Variants in C2orf74 observed in about 807,000 individuals in gnomAD.
C2orf74 encodes DPM1 ER membrane anchor 1.
C2orf74 carries 14 observed loss-of-function variants against 17.9 expected under a neutral mutation model. The ratio of observed to expected loss-of-function variants is 0.78; its 90% CI spans 0.52 to 1.22. The LOEUF is 1.22. Among genes scored for constraint, C2orf74 ranks in the 50% most tolerant of loss-of-function variants. C2orf74 has a pLI of 0.00. For synonymous variants in C2orf74, 79 were observed against 72.6 expected (o/e 1.09, Z -0.44); for missense variants, 217 against 218.4 (o/e 0.99, Z 0.04).
chr2:61,159,340 A>G, upstream of C2orf74: 1 of 373,602 alleles, frequency 2.7e-6, no homozygotes, highest in South Asian at 2.0e-5. Flanking sequence ...TCTGTTGCCT[A>G]GGCTGGAGTG....
Position 61,162,245 on chromosome 2 carries a change from A to G in C2orf74, c.-175A>G, listed in dbSNP as rs572528698. On this transcript the variant is annotated 5_prime_UTR_variant, in exon 1 of 5. Transcript: ENST00000432605. ...TGGGGTGAGGGAGGTGAGCTGCGTG[A>G]TCACACATGTCCCAGCTCAGTCTCC... 4.3e-6 allele frequency: 2 copies of G among 466,404 alleles called. No homozygotes were observed. Among genetic ancestry groups the G allele is most frequent in the Non-Finnish European group, 7.5e-6 (2 of 265,710 alleles). 28.9% of individuals were successfully genotyped at this position (466,404 alleles called of 1,614,324 possible).
chr2:61,148,407 G>A (rs1290430565), intron 1 of C2orf74, among the ~76,000 whole-genome samples: 28 of 151,934 alleles, frequency 1.8e-4, no homozygotes, highest in African/African-American at 6.3e-4. Context: ...GGCTGGTCTC[G>A]AAATCCTGAC....
At position 61,164,502 on chromosome 2, in the gene C2orf74, C is replaced by A. The variant is rs1290827547; in HGVS notation, c.539C>A (p.Thr180Asn). ...GNEYPTPRSYTREHKERK is the reference protein window; with the variant it reads ...GNEYPTPRSYNREHKERK ...GAATACCCTACACCTCGAAGCTATA[C>A]TCGAGAACATAAAGAGAGGAAATGA... is the stretch of plus-strand genomic sequence containing the variant. Residue 180 changes from threonine (T) to asparagine (N), a missense_variant, in exon 5 of 5, where the codon ACT becomes AAT. Coordinates refer to ENST00000432605, the MANE Select transcript of C2orf74 (RefSeq NM_001143959.4). 4 of 1,539,990 alleles carry A rather than the reference C, an allele frequency of 2.6e-6. No homozygotes were observed. The highest frequency in any genetic ancestry group is 3.5e-6 in the Non-Finnish European group (4 of 1,142,966).
chr2:61,145,448 A>G (rs1359721480), intron 1 of C2orf74, among the ~76,000 whole-genome samples: 1 of 152,002 alleles, frequency 6.6e-6, no homozygotes, highest in East Asian at 1.9e-4. Context: ...TTTTTTTGAG[A>G]TGGAGTCCTG....
chr2:61,153,492 C>T (rs1685300905), intron 1 of C2orf74, among the ~76,000 whole-genome samples: 1 of 151,584 alleles, frequency 6.6e-6, no homozygotes, highest in Non-Finnish European at 1.5e-5. Flanking sequence ...CCATGTTAGC[C>T]AGGGTGGTCT....
At chr2:61,158,580 G>C (rs992233682), upstream of C2orf74, among the ~76,000 whole-genome samples, 1 of 152,202 alleles carries the variant, frequency 6.6e-6, no homozygotes, top group Non-Finnish European at 1.5e-5. Context: ...AGGGAAGAAG[G>C]CTTAGGCTTT....
upstream of C2orf74, among the ~76,000 whole-genome samples, chr2:61,158,647 G>C (rs1403755892): frequency 2.6e-5 from 4 of 152,180 alleles, no homozygotes; most frequent in African/African-American, 7.2e-5. Context: ...TGTCTCCCCA[G>C]TTGATTAAGA....
intron 1 of C2orf74, among the ~76,000 whole-genome samples, chr2:61,155,443 C>T (rs1237165731): frequency 1.3e-5 from 2 of 152,166 alleles, no homozygotes; most frequent in Admixed American, 6.6e-5. Context: ...CAAATGAATG[C>T]AATTCATTAT....
chr2:61,147,223 CTT>C (rs915253571), intron 1 of C2orf74, among the ~76,000 whole-genome samples: 1 of 101,848 alleles, frequency 9.8e-6, no homozygotes, highest in Non-Finnish European at 2.1e-5. Flanking sequence ...CTTTCCTTTC[CTT>C]TTTTTTTTTT....
intron 1 of C2orf74, among the ~76,000 whole-genome samples, chr2:61,155,505 TTTTGTTTG>T (rs35729703): frequency 1.7e-3 from 261 of 150,654 alleles, no homozygotes; most frequent in East Asian, 5.3e-3. Flanking sequence ...AATCAAGGCT[TTTTGTTTG>T]TTTGTTTGTT....
At chr2:61,146,134 A>C (rs1274135721) in intron 1 of C2orf74, among the ~76,000 whole-genome samples, 1 of 152,266 alleles carries the variant, frequency 6.6e-6, no homozygotes, top group Non-Finnish European at 1.5e-5. Context: ...CTACGTGAGT[A>C]TCCATCAGAA....
chr2:61,153,648 G>A (rs1296002351), intron 1 of C2orf74, among the ~76,000 whole-genome samples: 21 of 144,014 alleles, frequency 1.5e-4, no homozygotes, highest in Middle Eastern at 8.1e-3. Flanking sequence ...CAGCACTTTG[G>A]GAGGCCGAGG....
At chr2:61,148,714 T>C (rs1472556756) in intron 1 of C2orf74, among the ~76,000 whole-genome samples, 1 of 152,140 alleles carries the variant, frequency 6.6e-6, no homozygotes, top group East Asian at 1.9e-4. Flanking sequence ...GAATAGTGTT[T>C]AGCTTGTCTT....
At chr2:61,159,428 C>G (rs1685497397), upstream of C2orf74, 1 of 239,474 alleles carries the variant, frequency 4.2e-6, no homozygotes, top group African/African-American at 2.3e-5. Context: ...TCCCAGGTAG[C>G]TGGGATTACA....
At chr2:61,146,883 C>G (rs1685087703) in intron 1 of C2orf74, among the ~76,000 whole-genome samples, 1 of 150,744 alleles carries the variant, frequency 6.6e-6, no homozygotes, top group African/African-American at 2.4e-5. Flanking sequence ...GGGTGTGTGG[C>G]TCACACCTCT....
intron 4 of C2orf74, 122 bp downstream of exon 4, chr2:61,163,354 A>G (rs561083802): frequency 1.7e-4 from 189 of 1,083,088 alleles, no homozygotes; most frequent in Non-Finnish European, 2.4e-4. Flanking sequence ...CACGCCTGTA[A>G]TCCCAGCATT....
upstream of C2orf74, among the ~76,000 whole-genome samples, chr2:61,161,300 C>T (rs753458491): frequency 6.6e-6 from 1 of 152,128 alleles, no homozygotes; most frequent in Non-Finnish European, 1.5e-5. Context: ...GGATATCAGT[C>T]CATTAACAGA....
chr2:61,147,014 T>C (rs2441467), intron 1 of C2orf74, among the ~76,000 whole-genome samples: 64,985 of 151,024 alleles, frequency 0.43, 14,216 homozygotes, highest in Middle Eastern at 0.5. Context: ...ACAAAAAACC[T>C]CCAAATTAGA....
At chr2:61,149,862 A>C (rs1009323873) in intron 1 of C2orf74, among the ~76,000 whole-genome samples, 1 of 152,108 alleles carries the variant, frequency 6.6e-6, no homozygotes, top group African/African-American at 2.4e-5. Context: ...TACAAGCATG[A>C]GCCACCGCAC....
Sources: allele counts gnomAD v4.1 joint callset (sites outside exome capture counted in the v4.1 genomes callset), GRCh38; gene constraint gnomAD v4.1.1; transcripts MANE v1.5; gene names NCBI Gene and HGNC (gene_info 2026-07-23, HGNC 2026-07-21).